SHC3: variants seen among roughly 807,000 people sequenced by gnomAD.
The protein encoded by SHC3 is SHC adaptor protein 3.
SHC3 carries 15 observed loss-of-function variants against 60.4 expected under a neutral mutation model. That is an observed-to-expected ratio of 0.25 (90% CI 0.17 to 0.38). The LOEUF (loss-of-function observed/expected upper bound fraction) is 0.38, where lower values mean the gene tolerates loss of function less well. SHC3 is among the 10% of genes least tolerant of loss of function. The probability of loss-of-function intolerance (pLI) is 1.00; values close to 1 mark genes in which losing one functional copy is unlikely to be tolerated. For synonymous variants in SHC3, 294 were observed against 325.9 expected, an observed-to-expected ratio of 0.90 and a Z score of 1.05; for missense variants, 677 against 786.1, an observed-to-expected ratio of 0.86 and a Z score of 1.66.
At position 89,013,592 on chromosome 9, in the gene SHC3, G is replaced by T. The variant is rs1339140984; in HGVS notation, c.1657-17C>A. The T allele has an allele frequency of 6.2e-7, 1 of 1,607,244 alleles. No homozygotes were observed. The highest frequency in any genetic ancestry group is 8.5e-7 in the Non-Finnish European group (1 of 1,176,960). ...TGTCCGGATCTATGAATGAAGCAAAGGAAAGGTTAAGCACATCTCACAGGC... is the reference window on the plus strand; with the variant it reads ...TGTCCGGATCTATGAATGAAGCAAATGAAAGGTTAAGCACATCTCACAGGC... On this transcript the variant is annotated splice_polypyrimidine_tract_variant and intron_variant, in intron 11 of 11. Coordinates refer to ENST00000375835, the MANE Select transcript of SHC3 (RefSeq NM_016848.6).
intron 1 of SHC3, among the ~76,000 whole-genome samples, chr9:89,119,872 C>T (rs971852714): frequency 2.0e-5 from 3 of 152,056 alleles, no homozygotes; most frequent in Non-Finnish European, 4.4e-5. Context: ...TGGGAACAGG[C>T]GAGTCATACA....
intron 2 of SHC3, among the ~76,000 whole-genome samples, chr9:89,107,346 C>T (rs1825878155): frequency 6.6e-6 from 1 of 152,198 alleles, no homozygotes; most frequent in Non-Finnish European, 1.5e-5. Context: ...GGGTTGTGGT[C>T]CCTGAGGACT....
intron 2 of SHC3, among the ~76,000 whole-genome samples, chr9:89,096,444 TA>T (rs1326218130): frequency 6.6e-6 from 1 of 152,174 alleles, no homozygotes; most frequent in Non-Finnish European, 1.5e-5. Context: ...ATAATATTCA[TA>T]TATGCATACA....
At chr9:89,033,686 G>C (rs1824527907) in intron 11 of SHC3, among the ~76,000 whole-genome samples, 1 of 152,098 alleles carries the variant, frequency 6.6e-6, no homozygotes, top group African/African-American at 2.4e-5. Flanking sequence ...TACCCTCATG[G>C]GGAATACAGT....
intron 5 of SHC3, among the ~76,000 whole-genome samples, chr9:89,068,925 T>C (rs1825226349): frequency 6.6e-6 from 1 of 152,136 alleles, no homozygotes; most frequent in African/African-American, 2.4e-5. Flanking sequence ...GAAACTATGG[T>C]TCCAAACATC....
At chr9:89,054,255 T>C (rs1193854172) in intron 6 of SHC3, among the ~76,000 whole-genome samples, 1 of 152,154 alleles carries the variant, frequency 6.6e-6, no homozygotes, top group Non-Finnish European at 1.5e-5. Flanking sequence ...GAAATGGGCA[T>C]GTTACTCCAA....
At chr9:89,114,774 AC>A (rs1324925179) in intron 1 of SHC3, among the ~76,000 whole-genome samples, 1 of 152,104 alleles carries the variant, frequency 6.6e-6, no homozygotes, top group East Asian at 1.9e-4. Context: ...TTATATAAAT[AC>A]CCCCACCATT....
At position 89,112,544 on chromosome 9, in the gene SHC3, A is replaced by C. The variant is rs769855236; in HGVS notation, c.545+12T>G. 6.2e-7 allele frequency: 1 copy of C among 1,606,048 alleles called. No individual in the cohort carries two copies. The highest frequency in any genetic ancestry group is 1.7e-5 in the Admixed American group (1 of 58,094). Reference sequence around the variant, plus strand: ...AGTAAAATCACAGGAGTCCATTTTCAAGAGGGCTTACCTGGTAATTTGTGT... The same window carrying C: ...AGTAAAATCACAGGAGTCCATTTTCCAGAGGGCTTACCTGGTAATTTGTGT... On this transcript the variant is annotated intron_variant, in intron 2 of 11. Coordinates refer to ENST00000375835, the MANE Select transcript of SHC3 (RefSeq NM_016848.6).
Position 89,046,854 on chromosome 9 carries a change from T to G in SHC3, c.1103A>C (p.Asp368Ala), listed in dbSNP as rs772207753. Reference sequence around the variant, plus strand: ...AACTATAAGACTTACCTGGGCTGTGTCAGGAGCATGGGGTCTGGGTTTCAG... The same window carrying G: ...AACTATAAGACTTACCTGGGCTGTGGCAGGAGCATGGGGTCTGGGTTTCAG... Reference protein sequence around the residue: ...TRLKPRPHAPDTAQFAGKEQT... With the variant: ...TRLKPRPHAPATAQFAGKEQT... The change falls in exon 8 of 12, where the codon GAC becomes GCC. Residue 368 changes from aspartate (D) to alanine (A), a missense_variant. Physicochemically the swap from Asp to Ala is moderately radical, Grantham distance 126. Coordinates refer to ENST00000375835, the MANE Select transcript of SHC3 (RefSeq NM_016848.6). 2 of 1,599,472 alleles carry G rather than the reference T, an allele frequency of 1.3e-6. No homozygotes were observed. The highest frequency in any genetic ancestry group is 3.5e-5 in the Admixed American group (2 of 57,692).
At chr9:89,145,084 C>A (rs1294315642) in intron 1 of SHC3, among the ~76,000 whole-genome samples, 1 of 152,114 alleles carries the variant, frequency 6.6e-6, no homozygotes, top group Admixed American at 6.5e-5. Flanking sequence ...ACACAGCAGC[C>A]TCTCCCTCCA....
At chr9:89,027,619 G>C (rs555229634) in intron 11 of SHC3, among the ~76,000 whole-genome samples, 10 of 151,936 alleles carry the variant, frequency 6.6e-5, no homozygotes, top group East Asian at 1.9e-4. Flanking sequence ...CACTGTGCCC[G>C]GCCAAAATGC....
intron 2 of SHC3, among the ~76,000 whole-genome samples, chr9:89,104,538 C>A (rs752964524): frequency 1.3e-5 from 2 of 152,224 alleles, no homozygotes; most frequent in African/African-American, 2.4e-5. Context: ...AGAATACAGA[C>A]CAGCTCTGTG....
At chr9:89,137,780 CA>C (rs1270427025) in intron 1 of SHC3, among the ~76,000 whole-genome samples, 1 of 152,102 alleles carries the variant, frequency 6.6e-6, no homozygotes, top group Non-Finnish European at 1.5e-5. Context: ...AAATCAGAGT[CA>C]TCAGAAGAGC....
At chr9:89,018,236 C>T (rs970751130) in intron 11 of SHC3, among the ~76,000 whole-genome samples, 1 of 152,138 alleles carries the variant, frequency 6.6e-6, no homozygotes, top group African/African-American at 2.4e-5. Flanking sequence ...GACTTGGAAC[C>T]AACCCAAATG....
intron 1 of SHC3, among the ~76,000 whole-genome samples, chr9:89,145,796 T>C (rs1463677654): frequency 6.6e-6 from 1 of 152,198 alleles, no homozygotes; most frequent in Non-Finnish European, 1.5e-5. Context: ...GGGATTAGTA[T>C]TAGATAAAGT....
intron 7 of SHC3, among the ~76,000 whole-genome samples, chr9:89,049,682 T>C (rs770794346): frequency 1.3e-5 from 2 of 152,254 alleles, no homozygotes; most frequent in Non-Finnish European, 2.9e-5. Flanking sequence ...CCTAAAGGTT[T>C]CTCTGTAAAT....
intron 2 of SHC3, among the ~76,000 whole-genome samples, chr9:89,100,666 G>A (rs755850486): frequency 1.3e-4 from 20 of 151,980 alleles, no homozygotes; most frequent in Non-Finnish European, 2.2e-4. Context: ...AGATCCTAGC[G>A]ACCTGTGATC....
chr9:89,140,215 G>GT (rs1189024799), intron 1 of SHC3, among the ~76,000 whole-genome samples: 2 of 152,132 alleles, frequency 1.3e-5, no homozygotes, highest in African/African-American at 4.8e-5. Context: ...CCCAGTAGTT[G>GT]TAAGATTTTT....
At chr9:89,155,778 C>T (rs1826614087) in intron 1 of SHC3, among the ~76,000 whole-genome samples, 1 of 152,162 alleles carries the variant, frequency 6.6e-6, no homozygotes, top group African/African-American at 2.4e-5. Flanking sequence ...CAACCCAGCT[C>T]TGGTTAACTG....
Sources: allele counts gnomAD v4.1 joint callset (sites outside exome capture counted in the v4.1 genomes callset), GRCh38; gene constraint gnomAD v4.1.1; transcripts MANE v1.5; gene names NCBI Gene and HGNC (gene_info 2026-07-23, HGNC 2026-07-21).